The following SSBP3 variants were observed in gnomAD, a reference collection of about 807,000 sequenced individuals.
The protein encoded by SSBP3 is single stranded DNA binding protein 3.
A neutral mutation model predicts 69.6 loss-of-function variants in SSBP3; 5 were observed. That is an observed-to-expected ratio of 0.07 (90% CI 0.04 to 0.15). SSBP3 has a LOEUF of 0.15. Among genes scored for constraint, SSBP3 ranks in the 10% least tolerant of loss-of-function variants. SSBP3 has a pLI of 1.00. For missense variants in SSBP3, 312 were observed against 534.0 expected (o/e 0.58, Z 4.10); for synonymous variants, 196 against 193.4 (o/e 1.01, Z -0.11).
chr1:54,372,405 C>CTTCT (rs56006463), intron 4 of SSBP3, among the ~76,000 whole-genome samples: 15,249 of 152,130 alleles, frequency 0.1, 985 homozygotes, highest in East Asian at 0.27. Flanking sequence ...TTTCTCACTC[C>CTTCT]TTGAGGCCCA....
intron 14 of SSBP3, among the ~76,000 whole-genome samples, chr1:54,233,491 G>A (rs1644423584): frequency 6.6e-6 from 1 of 151,304 alleles, no homozygotes; most frequent in Non-Finnish European, 1.5e-5. Context: ...AGGGAGGTGG[G>A]GGGTCAGCCC....
intron 4 of SSBP3, chr1:54,287,291 C>T (rs1035810200): frequency 6.6e-6 from 1 of 152,258 alleles, no homozygotes; most frequent in Non-Finnish European, 1.5e-5. Context: ...ATCCCCTCCC[C>T]TCCTTGCCCC....
chr1:54,232,243 C>A (rs545366316), intron 14 of SSBP3, among the ~76,000 whole-genome samples: 1 of 152,132 alleles, frequency 6.6e-6, no homozygotes, highest in South Asian at 2.1e-4. Flanking sequence ...ACGTTTCTGT[C>A]CTCTGATACA....
intron 4 of SSBP3, among the ~76,000 whole-genome samples, chr1:54,289,846 C>CCTCCCCCAGGATAGGGGGG (rs1645572405): frequency 1.3e-5 from 2 of 152,058 alleles, no homozygotes; most frequent in South Asian, 4.1e-4. Context: ...GTTCGCTTTC[C>CCTCCCCCAGGATAGGGGGG]CTCCCCCAGG....
intron 4 of SSBP3, among the ~76,000 whole-genome samples, chr1:54,368,235 T>A (rs913215358): frequency 1.3e-5 from 2 of 149,064 alleles, no homozygotes; most frequent in Admixed American, 1.3e-4. Flanking sequence ...GAGGCGGAGC[T>A]TGCAGTGAGC....
chr1:54,384,105 C>CAAAAAAAAAAAAAAAA (rs34137070), intron 4 of SSBP3, among the ~76,000 whole-genome samples: 3 of 94,110 alleles, frequency 3.2e-5, no homozygotes, highest in East Asian at 3.3e-4. Context: ...GACTCCATCT[C>CAAAAAAAAAAAAAAAA]AAAAAAAAAA....
chr1:54,233,153 G>T (rs1453606430), intron 14 of SSBP3, among the ~76,000 whole-genome samples: 26 of 150,616 alleles, frequency 1.7e-4, no homozygotes, highest in African/African-American at 5.9e-4. Context: ...CTTCCCGGCC[G>T]CCATCACATC....
At chr1:54,281,047 G>A (rs948529840) in intron 5 of SSBP3, among the ~76,000 whole-genome samples, 7 of 152,186 alleles carry the variant, frequency 4.6e-5, no homozygotes, top group Admixed American at 3.3e-4. Context: ...GACAAAAGCA[G>A]CAGCAACAAA....
intron 4 of SSBP3, among the ~76,000 whole-genome samples, chr1:54,341,884 C>G (rs11808489): frequency 0.016 from 2,441 of 152,114 alleles, 73 homozygotes; most frequent in African/African-American, 0.056. Flanking sequence ...GCACCTTCCA[C>G]GCAGAAGGAA....
chr1:54,411,860 C>T (rs12137312), intron 1 of SSBP3, among the ~76,000 whole-genome samples: 1 of 145,804 alleles, frequency 6.9e-6, no homozygotes, highest in Non-Finnish European at 1.5e-5. Context: ...TCACTGCACT[C>T]CAGCCTGGGG....
At chr1:54,384,352 T>C (rs1389434923) in intron 4 of SSBP3, among the ~76,000 whole-genome samples, 1 of 152,084 alleles carries the variant, frequency 6.6e-6, no homozygotes, top group Non-Finnish European at 1.5e-5. Context: ...TCTAAGGGCG[T>C]TAAGACTTCA....
rs543906023 is a variant in SSBP3, at chr1:54,325,615, C to G, written c.277-44088G>C. Among the ~76,000 whole-genome samples the G allele has an allele frequency of 3.0e-3, 453 of 152,336 alleles. 5 individuals carry two copies. Among genetic ancestry groups the G allele is most frequent in the African/African-American group, 0.01 (426 of 41,566 alleles). On this transcript the variant is annotated intron_variant, in intron 4 of 17. Transcript: ENST00000610401. ...ATCAGATTACGACACCATCATTCCC[C>G]ATTACCTTTGCTGGGGGATTCAATT... is the stretch of plus-strand genomic sequence containing the variant.
At chr1:54,375,321 T>C (rs1428843660) in intron 4 of SSBP3, among the ~76,000 whole-genome samples, 1 of 151,408 alleles carries the variant, frequency 6.6e-6, no homozygotes, top group South Asian at 2.1e-4. Flanking sequence ...TCATTCCTAC[T>C]TGGGGGGGAT....
chr1:54,276,045 A>C (rs1055093266), intron 5 of SSBP3, among the ~76,000 whole-genome samples: 3 of 152,146 alleles, frequency 2.0e-5, no homozygotes, highest in Non-Finnish European at 4.4e-5. Flanking sequence ...TAGGGACCTC[A>C]ACATCTTTCT....
At position 54,311,719 on chromosome 1, in the gene SSBP3, G is replaced by A. The variant is rs929961731; in HGVS notation, c.277-30192C>T. 1.1e-4 allele frequency among the ~76,000 whole-genome samples: 16 copies of A among 152,244 alleles called. No homozygotes were observed. The East Asian group carries it at 1.5e-3, about 15-fold the overall frequency. ...AGCCCTCCTGTCCTACCCTGCACCC[G>A]TGCCGAGTCAGAGTCTCCAATTTCT... On this transcript the variant is annotated intron_variant, in intron 4 of 17. Coordinates refer to ENST00000610401, the Ensembl canonical transcript of SSBP3.
chr1:54,352,630 G>C (rs1255151433), intron 4 of SSBP3, among the ~76,000 whole-genome samples: 1 of 152,164 alleles, frequency 6.6e-6, no homozygotes, highest in African/African-American at 2.4e-5. Flanking sequence ...GTCATCTCAT[G>C]AGCCTCACCT....
rs530133842 is a variant in SSBP3 at position 54,334,212 on chromosome 1, C to A, written c.277-52685G>T. On this transcript the variant is annotated intron_variant, in intron 4 of 17. Coordinates refer to ENST00000610401, the Ensembl canonical transcript of SSBP3. Reference sequence around the variant, plus strand: ...ACTAAAAATACAAAAATTAGCTGGGCGTGGTGGTGCGTGCCTGTAGTTCCA... The same window carrying A: ...ACTAAAAATACAAAAATTAGCTGGGAGTGGTGGTGCGTGCCTGTAGTTCCA... 7.8e-4 allele frequency among the ~76,000 whole-genome samples: 119 copies of A among 151,982 alleles called. 2 individuals carry two copies. Among genetic ancestry groups the A allele is most frequent in the African/African-American group, 2.9e-3 (119 of 41,422 alleles).
At chr1:54,362,365 G>GTC (rs1338599872) in intron 4 of SSBP3, among the ~76,000 whole-genome samples, 1 of 152,180 alleles carries the variant, frequency 6.6e-6, no homozygotes, top group African/African-American at 2.4e-5. Context: ...AGTCCCCAGG[G>GTC]TCTCTCTCTC....
intron 5 of SSBP3, among the ~76,000 whole-genome samples, chr1:54,275,862 G>C (rs894365514): frequency 6.6e-6 from 1 of 152,218 alleles, no homozygotes; most frequent in African/African-American, 2.4e-5. Context: ...GCCCTCAGGA[G>C]GCTGCCCTTC....
Sources: gnomAD v4.1 joint callset for allele counts (sites outside exome capture counted in the v4.1 genomes callset) on GRCh38, gnomAD v4.1.1 for gene constraint, MANE v1.5 for transcripts, NCBI Gene and HGNC (gene_info 2026-07-23, HGNC 2026-07-21) for gene names.